The following DPP4 variants were observed in gnomAD, a reference collection of about 807,000 sequenced individuals.
DPP4 encodes dipeptidyl peptidase 4.
DPP4 carries 93 observed loss-of-function variants against 122.4 expected under a neutral mutation model. The ratio of observed to expected loss-of-function variants is 0.76; its 90% CI spans 0.64 to 0.90. The LOEUF is 0.90. DPP4 is among the 40% of genes least tolerant of loss of function. The probability of loss-of-function intolerance (pLI) is 0.00; values close to 1 mark genes in which losing one functional copy is unlikely to be tolerated. For synonymous variants in DPP4, 321 were observed against 302.9 expected (o/e 1.06, Z -0.62); for missense variants, 914 against 907.3 (o/e 1.01, Z -0.09).
intron 18 of DPP4, among the ~76,000 whole-genome samples, chr2:162,014,993 C>G (rs912945171): frequency 1.3e-5 from 2 of 152,164 alleles, no homozygotes; most frequent in Non-Finnish European, 2.9e-5. Context: ...AGAATGAGAT[C>G]GGGTTTATAT....
At chr2:162,039,212 T>C in intron 5 of DPP4, 28 bp from the exon 6 acceptor site, 1 of 1,607,780 alleles carries the variant, frequency 6.2e-7, no homozygotes, top group Non-Finnish European at 8.5e-7. Flanking sequence ...CATTTCAGGC[T>C]TCTGTGATAC....
intron 19 of DPP4, among the ~76,000 whole-genome samples, chr2:162,012,639 A>T (rs1233283165): frequency 6.6e-6 from 1 of 152,036 alleles, no homozygotes; most frequent in Non-Finnish European, 1.5e-5. Context: ...TTCACAGGCT[A>T]CCATCTACCC....
Position 162,035,308 on chromosome 2 carries a change from G to A in DPP4, c.630C>T (p.Ala210=). 1.2e-6 allele frequency: 2 copies of A among 1,611,312 alleles called. No individual in the cohort carries two copies. The highest frequency in any genetic ancestry group is 1.7e-6 in the Non-Finnish European group (2 of 1,179,318). ...TTGGAGACCACCACAGAGCAGAGTA[G>A]GCACTGAAGACTTCCTCTGAAAAAA... The part of the protein sequence containing the change: ...DWVYEEEVFS[A]YSALWWSPNG... Residue 210 remains alanine (A), a synonymous_variant, in exon 9 of 26, where the codon GCC becomes GCT. Coordinates refer to ENST00000360534, the MANE Select transcript of DPP4 (RefSeq NM_001935.4).
At chr2:162,045,634 G>A (rs1241083632) in intron 4 of DPP4, 22 bp from the exon 5 acceptor site, 1 of 1,558,364 alleles carries the variant, frequency 6.4e-7, no homozygotes, top group Non-Finnish European at 8.8e-7. Flanking sequence ...GAAGAACAAA[G>A]AAAAATTGAA....
rs1442827328 is a variant in DPP4, at chr2:162,018,831, T to C, written c.1318A>G (p.Thr440Ala). 1.9e-6 allele frequency: 3 copies of C among 1,614,158 alleles called. No individual in the cohort carries two copies. Among genetic ancestry groups the C allele is most frequent in the Non-Finnish European group, 2.5e-6 (3 of 1,180,014 alleles). ...TCACAACTGAGGCATGTCACTTTTG[T>C]ATAGTCACTAAGTTGGATTCTGTAA... is the stretch of plus-strand genomic sequence containing the variant. ...NLYKIQLSDYTKVTCLSCELN... is the reference protein window; with the variant it reads ...NLYKIQLSDYAKVTCLSCELN... Residue 440 changes from threonine (T) to alanine (A), a missense_variant, in exon 16 of 26, where the codon ACA (threonine) becomes GCA (alanine). Transcript: ENST00000360534.
At chr2:162,010,692 C>T (rs1385093171) in intron 20 of DPP4, among the ~76,000 whole-genome samples, 1 of 152,162 alleles carries the variant, frequency 6.6e-6, no homozygotes, top group East Asian at 1.9e-4. Flanking sequence ...CAAAGCCTCA[C>T]TCTCAAACAA....
At chr2:162,052,647 T>C (rs73009112) in intron 2 of DPP4, among the ~76,000 whole-genome samples, 1,596 of 152,236 alleles carry the variant, frequency 0.01, 30 homozygotes, top group African/African-American at 0.036. Flanking sequence ...TGGAAGTGGC[T>C]TGGAACTGGG....
chr2:162,019,050 G>T (rs1683025077), intron 15 of DPP4, among the ~76,000 whole-genome samples, 173 bp downstream of exon 15: 2 of 151,294 alleles, frequency 1.3e-5, no homozygotes, highest in African/African-American at 4.9e-5. Flanking sequence ...ACAAAACATC[G>T]AATAAAGCCA....
At chr2:162,043,889 A>T (rs556130197) in intron 5 of DPP4, among the ~76,000 whole-genome samples, 2 of 152,254 alleles carry the variant, frequency 1.3e-5, no homozygotes, top group Non-Finnish European at 2.9e-5. Flanking sequence ...TTAGCAGGGC[A>T]TGGTGGTGCA....
At position 161,993,218 on chromosome 2, in the gene DPP4, G is replaced by A; in HGVS notation, c.*65C>T. 1 of 1,254,884 alleles carries A rather than the reference G, an allele frequency of 8.0e-7. No individual in the cohort carries two copies. Among genetic ancestry groups the A allele is most frequent in the Non-Finnish European group, 1.2e-6 (1 of 856,138 alleles). 77.7% of individuals were successfully genotyped at this position (1,254,884 alleles called of 1,614,324 possible). A position where few individuals can be genotyped will look rare whatever the true frequency, so the allele number is the denominator to read the frequency against. ...AGATCATCATCATCTTGACAGTGCA[G>A]TTTTGAGATAATGAAAACAAAAATG... On this transcript the variant is annotated 3_prime_UTR_variant, in exon 26 of 26. Coordinates refer to ENST00000360534, the MANE Select transcript of DPP4 (RefSeq NM_001935.4).
At chr2:162,026,699 G>C (rs918933127) in intron 10 of DPP4, among the ~76,000 whole-genome samples, 1 of 152,186 alleles carries the variant, frequency 6.6e-6, no homozygotes, top group Non-Finnish European at 1.5e-5. Flanking sequence ...CCGGGAAACA[G>C]AGACATCTCA....
intron 8 of DPP4, among the ~76,000 whole-genome samples, chr2:162,036,157 G>T (rs1683762115): frequency 6.6e-6 from 1 of 152,094 alleles, no homozygotes; most frequent in South Asian, 2.1e-4. Flanking sequence ...GGACTGGGTG[G>T]AGACGCCTAG....
intron 12 of DPP4, among the ~76,000 whole-genome samples, chr2:162,022,240 A>G (rs951244613): frequency 1.3e-5 from 2 of 152,208 alleles, no homozygotes; most frequent in Admixed American, 6.5e-5. Flanking sequence ...ACTTTCCTGG[A>G]TAAAGCTCTG....
chr2:162,035,736 C>T (rs567413527), intron 8 of DPP4, among the ~76,000 whole-genome samples: 14 of 152,184 alleles, frequency 9.2e-5, no homozygotes, highest in East Asian at 1.9e-4. Flanking sequence ...GTACTGAGCC[C>T]GCAGGGTACT....
intron 1 of DPP4, 120 bp downstream of exon 1, chr2:162,073,856 T>G: frequency 7.2e-7 from 1 of 1,389,610 alleles, no homozygotes; most frequent in Non-Finnish European, 9.8e-7. Flanking sequence ...GAGGGTGGCC[T>G]TGGGGCTTCC....
intron 2 of DPP4, among the ~76,000 whole-genome samples, chr2:162,049,647 A>T (rs978311729): frequency 2.6e-5 from 4 of 152,178 alleles, no homozygotes; most frequent in African/African-American, 9.7e-5. Flanking sequence ...TTAAAATAAA[A>T]GTTGAAAGAA....
Position 162,019,236 on chromosome 2 carries a change from T to G in DPP4, c.1285A>C (p.Arg429=). 3.1e-6 allele frequency: 5 copies of G among 1,597,236 alleles called. No homozygotes were observed. The highest frequency in any genetic ancestry group is 4.3e-6 in the Non-Finnish European group (5 of 1,167,886). ...CAGAGCTCTTACTTATAAAGATTCC[T>G]TCCTCCTGGCATTCCTTTATATTCA... ...SNEYKGMPGG[R]NLYKIQLSDY... Residue 429 remains arginine, a synonymous_variant, in exon 15 of 26, where the codon AGG becomes CGG. Transcript: ENST00000360534.
chr2:162,034,873 T>C (rs1184204517), intron 9 of DPP4, among the ~76,000 whole-genome samples: 1 of 152,172 alleles, frequency 6.6e-6, no homozygotes, highest in African/African-American at 2.4e-5. Context: ...GCCTCTCTTT[T>C]CCTCCATTCA....
At chr2:162,037,497 C>T (rs888378822) in intron 8 of DPP4, among the ~76,000 whole-genome samples, 2 of 151,778 alleles carry the variant, frequency 1.3e-5, no homozygotes, top group African/African-American at 2.4e-5. Flanking sequence ...TTGGTAAGAA[C>T]TAAAATTAAG....
Sources: gnomAD v4.1 joint callset for allele counts (sites outside exome capture counted in the v4.1 genomes callset) on GRCh38, gnomAD v4.1.1 for gene constraint, MANE v1.5 for transcripts, NCBI Gene and HGNC (gene_info 2026-07-23, HGNC 2026-07-21) for gene names.